RYR2: variants seen among roughly 807,000 people sequenced by gnomAD.
RYR2 encodes cardiac muscle ryanodine receptor-calcium release channel.
Under a neutral mutation model 601.1 loss-of-function variants are expected in RYR2, and 227 were observed. That is an observed-to-expected ratio of 0.38 (90% confidence interval 0.34 to 0.42). The LOEUF (loss-of-function observed/expected upper bound fraction) is 0.42, where lower values mean the gene tolerates loss of function less well. Among genes scored for constraint, RYR2 ranks in the 10% least tolerant of loss-of-function variants. The pLI, the probability that RYR2 is intolerant of heterozygous loss-of-function variation, is 1.00. For missense variants in RYR2, 4,646 were observed against 6,156.5 expected (o/e 0.75, Z 8.21); for synonymous variants, 2,223 against 2,175.1 (o/e 1.02, Z -0.61).
chr1:237,157,090 G>A (rs1227977249), intron 1 of RYR2, among the ~76,000 whole-genome samples: 1 of 152,086 alleles, frequency 6.6e-6, no homozygotes, highest in African/African-American at 2.4e-5. Context: ...GAGGTCAGGA[G>A]TTTGAGACCA....
chr1:237,424,212 T>C lies in RYR2; in HGVS notation c.1005+964T>C, dbSNP rs144645812. Among the ~76,000 whole-genome samples the C allele has an allele frequency of 6.1e-4, 93 of 152,308 alleles. 1 individual carries two copies. Among genetic ancestry groups the C allele is most frequent in the African/African-American group, 2.1e-3 (89 of 41,578 alleles). ...ATTTCTGTTCATAATTTAATGAAGA[T>C]TGTGAAACTTGGGAAAGATGATTGG... On this transcript the variant is annotated intron_variant, in intron 12 of 104. Transcript: ENST00000366574.
chr1:237,079,810 C>T lies in RYR2; in HGVS notation c.48+37241C>T, dbSNP rs1217457577. 2.4e-4 allele frequency among the ~76,000 whole-genome samples: 34 copies of T among 139,834 alleles called. 1 individual carries two copies. The highest frequency in any genetic ancestry group is 8.6e-4 in the South Asian group (4 of 4,648). 91.7% of individuals were successfully genotyped at this position (139,834 alleles called of 152,430 possible). On this transcript the variant is annotated intron_variant, in intron 1 of 104. Transcript: ENST00000366574. Reference sequence around the variant, plus strand: ...GTTCACATGGAACCAAAAAAGAGCCCGCATTGCCAAGTCAATCCTAAGCCA... The same window carrying T: ...GTTCACATGGAACCAAAAAAGAGCCTGCATTGCCAAGTCAATCCTAAGCCA...
chr1:237,272,337 G>A (rs973187693), intron 2 of RYR2, among the ~76,000 whole-genome samples: 19 of 151,666 alleles, frequency 1.3e-4, no homozygotes, highest in African/African-American at 4.6e-4. Flanking sequence ...AAAAAATAGA[G>A]GGGGGAAGCA....
At position 237,309,686 on chromosome 1, in the gene RYR2, G is replaced by A. The variant is rs909329049; in HGVS notation, c.169-21192G>A. 1.5e-4 allele frequency among the ~76,000 whole-genome samples: 23 copies of A among 152,150 alleles called. No individual in the cohort carries two copies. The Middle Eastern group carries it at 0.017, about 113-fold the overall frequency. The stretch of plus-strand genomic sequence containing the variant: ...CAGGCGCCATGGAGCAGGGGGCGGC[G>A]CTTGTCGGGGAGGCTCGGACACGCA... On this transcript the variant is annotated intron_variant, in intron 2 of 104. Coordinates refer to ENST00000366574, the MANE Select transcript of RYR2 (RefSeq NM_001035.3).
intron 24 of RYR2, among the ~76,000 whole-genome samples, chr1:237,525,456 G>GT (rs368011763): frequency 1.7e-4 from 11 of 66,086 alleles, no homozygotes; most frequent in African/African-American, 3.7e-4. Flanking sequence ...TTGTTTGTTT[G>GT]TTTTTTGTTT....
intron 1 of RYR2, among the ~76,000 whole-genome samples, chr1:237,204,373 T>C (rs1681544674): frequency 6.6e-6 from 1 of 152,198 alleles, no homozygotes; most frequent in Non-Finnish European, 1.5e-5. Flanking sequence ...GTCCCTTTAT[T>C]GTTGAGTAGT....
intron 18 of RYR2, 53 bp downstream of exon 18, chr1:237,491,977 A>G (rs2150413588): frequency 5.1e-6 from 4 of 787,842 alleles, no homozygotes; most frequent in South Asian, 4.9e-5. Flanking sequence ...TTTTAGATAT[A>G]TTTTTAAATA....
chr1:237,697,494 T>C (rs1687593521), intron 63 of RYR2, among the ~76,000 whole-genome samples: 1 of 145,006 alleles, frequency 6.9e-6, no homozygotes, highest in South Asian at 2.1e-4. Context: ...AAATATATAT[T>C]ATATAATATA....
chr1:237,694,893 T>C (rs1290314880), intron 63 of RYR2, among the ~76,000 whole-genome samples: 5 of 152,192 alleles, frequency 3.3e-5, no homozygotes, highest in African/African-American at 1.2e-4. Context: ...TTGTAAGTTC[T>C]GGCACAGTGG....
intron 43 of RYR2, among the ~76,000 whole-genome samples, chr1:237,634,229 G>A (rs1323989965): frequency 3.9e-5 from 6 of 152,178 alleles, no homozygotes; most frequent in Non-Finnish European, 5.9e-5. Flanking sequence ...ATCAGTGGAT[G>A]AATGGATAGG....
At chr1:237,074,054 T>C (rs1234643803) in intron 1 of RYR2, among the ~76,000 whole-genome samples, 5 of 152,094 alleles carry the variant, frequency 3.3e-5, no homozygotes, top group Non-Finnish European at 1.5e-5. Context: ...TGATGGCTCA[T>C]GTCTGTAATC....
chr1:237,047,692 C>T (rs1045009925), intron 1 of RYR2, among the ~76,000 whole-genome samples: 1 of 152,154 alleles, frequency 6.6e-6, no homozygotes, highest in Non-Finnish European at 1.5e-5. Context: ...CCTGACTTTC[C>T]TTTTTGAAGC....
Position 237,738,924 on chromosome 1 carries a change from A to ATGT in RYR2, c.11092-3372_11092-3371insTGT, listed in dbSNP as rs1166575363. On this transcript the variant is annotated intron_variant, in intron 79 of 104. Coordinates refer to ENST00000366574, the MANE Select transcript of RYR2 (RefSeq NM_001035.3). Reference sequence around the variant, plus strand: ...GTTACTGCATCAATGGACATTCTTAACAACAATGGTTAAGAGAGATTCTGG... The same window carrying ATGT: ...GTTACTGCATCAATGGACATTCTTAATGTCAACAATGGTTAAGAGAGATTCTGG... Among the ~76,000 whole-genome samples, 10 of 152,332 alleles carry ATGT rather than the reference A, an allele frequency of 6.6e-5. No individual in the cohort carries two copies. In the East Asian group the frequency reaches 1.9e-3, roughly 29 times the overall value.
intron 1 of RYR2, among the ~76,000 whole-genome samples, chr1:237,244,652 C>T (rs139532495): frequency 6.6e-6 from 1 of 152,282 alleles, no homozygotes; most frequent in South Asian, 2.1e-4. Flanking sequence ...CTTTTCCTCT[C>T]GGAATCCCGT....
At chr1:237,236,882 G>A (rs574026475) in intron 1 of RYR2, among the ~76,000 whole-genome samples, 34 of 152,288 alleles carry the variant, frequency 2.2e-4, no homozygotes, top group Non-Finnish European at 4.4e-4. Context: ...CATTGACAGA[G>A]TATCCTTTGA....
chr1:237,342,313 ATT>A (rs201847873), intron 3 of RYR2, among the ~76,000 whole-genome samples: 18,635 of 129,994 alleles, frequency 0.14, 1,323 homozygotes, highest in East Asian at 0.32. Context: ...TGGCTAATTA[ATT>A]TTTTTTTTTT....
Position 237,756,372 on chromosome 1 carries a change from A to G in RYR2, c.11230A>G (p.Ile3744Val). The change falls in exon 81 of 105, where the codon ATC becomes GTC. Residue 3744 changes from isoleucine (I) to valine (V), a missense_variant. Coordinates refer to ENST00000366574, the MANE Select transcript of RYR2 (RefSeq NM_001035.3). ...RGAAEMVLQT[I>V]SASKGETGPM... ...CGCGGCTGAGATGGTGCTACAGACA[A>G]TCAGTGCCAGCAAAGGTAAGGTTCC... The G allele has an allele frequency of 6.2e-7, 1 of 1,611,526 alleles. No homozygotes were observed. The highest frequency in any genetic ancestry group is 8.5e-7 in the Non-Finnish European group (1 of 1,178,158).
chr1:237,634,381 G>T (rs143494560), intron 43 of RYR2, among the ~76,000 whole-genome samples: 306 of 152,262 alleles, frequency 2.0e-3, no homozygotes, highest in Admixed American at 3.7e-3. Flanking sequence ...AAAACCACAT[G>T]ATCTCACTTT....
rs372123879 is a variant in RYR2, at chr1:237,097,190, GAAAT to G, written c.48+54627_48+54630del. 8.4e-3 allele frequency among the ~76,000 whole-genome samples: 1,277 copies of G among 152,270 alleles called. 14 individuals are homozygous for G. The highest frequency in any genetic ancestry group is 0.028 in the African/African-American group (1,158 of 41,546). ...ATCCAAACTATGTCCCTTTGGTAGA[GAAAT>G]AAATAGAGAGTGGAATTCTTTAGAG... is the stretch of plus-strand genomic sequence containing the variant. On this transcript the variant is annotated intron_variant, in intron 1 of 104. Transcript: ENST00000366574.
Sources: allele counts gnomAD v4.1 joint callset (sites outside exome capture counted in the v4.1 genomes callset), GRCh38; gene constraint gnomAD v4.1.1; transcripts MANE v1.5; gene names NCBI Gene and HGNC (gene_info 2026-07-23, HGNC 2026-07-21).